The following GREP1 variants were observed in gnomAD, a reference collection of about 807,000 sequenced individuals.
GREP1 encodes glycine rich extracellular protein 1, also known as glycine-rich extracellular protein 1.
chr16:2,999,800 A>G (rs144757414), intron 27 of GREP1, 102 bp from the exon 25 acceptor site: 7,487 of 398,572 alleles, frequency 0.019, 104 homozygotes, highest in Non-Finnish European at 0.021. Flanking sequence ...GTGGACAGGA[A>G]AAGTCTCTGC....
chr16:2,996,468 C>G (rs1373285710), intron 18 of GREP1, 28 bp from the exon 18 acceptor site: 1 of 398,984 alleles, frequency 2.5e-6, no homozygotes, highest in East Asian at 3.6e-5. Context: ...ATGCCGCCGT[C>G]TCACACCCTC....
At chr16:2,998,942 C>T (rs2072443223) in exon 26 of GREP1, 1 of 399,128 alleles carries the variant, frequency 2.5e-6, no homozygotes. Flanking sequence ...GCCTGAAATC[C>T]CAGCCCCCTT....
intron 22 of GREP1, chr16:2,997,554 G>A (rs563219655): frequency 1.1e-4 from 43 of 398,036 alleles, no homozygotes; most frequent in African/African-American, 5.5e-4. Context: ...GAGAGGAGGC[G>A]GCACAAGGGG....
exon 35 of GREP1, chr16:3,001,802 A>G: frequency 2.6e-6 from 1 of 391,170 alleles, no homozygotes. Context: ...GCAAACATCA[A>G]TGAGGCCATG....
At chr16:2,997,600 GAGGAA>G (rs2072432541) in intron 22 of GREP1, among the ~76,000 whole-genome samples, 198 bp from the exon 21 acceptor site, 2 of 152,040 alleles carry the variant, frequency 1.3e-5, no homozygotes, top group African/African-American at 4.8e-5. Flanking sequence ...CCTAAATTGG[GAGGAA>G]AGGGGGGCCA....
chr16:2,997,166 C>T (rs547350455), intron 21 of GREP1, 81 bp downstream of exon 20: 47 of 398,996 alleles, frequency 1.2e-4, no homozygotes, highest in East Asian at 7.8e-4. Context: ...TCAGCTCCAT[C>T]GGCATTCAGG....
In GREP1 at chr16:2,999,767, G is replaced by A. The variant is rs28460090; in HGVS notation, c.1190-135G>A. Reference sequence around the variant, plus strand: ...GCGCCCAGTCTCTTGCTGCTCTCCAGATTTCTTCTGGTTCCATTCCCTGTG... The same window carrying A: ...GCGCCCAGTCTCTTGCTGCTCTCCAAATTTCTTCTGGTTCCATTCCCTGTG... On this transcript the variant is annotated intron_variant, in intron 27 of 34. Coordinates refer to ENST00000573315, the Ensembl canonical transcript of GREP1. 3,309 of 397,688 alleles carry A rather than the reference G, an allele frequency of 8.3e-3. 91 individuals carry two copies. The highest frequency in any genetic ancestry group is 0.059 in the African/African-American group (2,858 of 48,700). The allele number at this position is 397,688 out of a possible 1,614,324, so 24.6% of individuals were successfully genotyped here.
intron 29 of GREP1, 38 bp downstream of exon 26, chr16:3,000,156 A>G (rs2072452231): frequency 7.5e-6 from 3 of 399,164 alleles, no homozygotes; most frequent in South Asian, 2.5e-4. Context: ...GTTGAGCGGA[A>G]GCTGGCATCT....
At position 2,990,460 on chromosome 16, in the gene GREP1, G is replaced by C. The variant is rs1042911709; in HGVS notation, c.205G>C (p.Glu69Gln). ...GATCCCCCTCTCTTTCCCAGACACTGAAGGGGGCATGAAACCCCAAAACCT... is the reference window on the plus strand; with the variant it reads ...GATCCCCCTCTCTTTCCCAGACACTCAAGGGGGCATGAAACCCCAAAACCT... The change falls in exon 6 of 35, where the codon GAA (glutamate) becomes CAA (glutamine). Residue 69 changes from glutamate to glutamine, a missense_variant. Coordinates refer to ENST00000573315, the Ensembl canonical transcript of GREP1. The C allele has an allele frequency of 1.3e-5, 5 of 399,030 alleles. No homozygotes were observed. The South Asian group carries it at 3.8e-4, about 30-fold the overall frequency. 24.7% of individuals were successfully genotyped at this position (399,030 alleles called of 1,614,324 possible). A position where few individuals can be genotyped will look rare whatever the true frequency, so the allele number is the denominator to read the frequency against.
rs1388712974 is a variant in GREP1 at position 2,992,558 on chromosome 16, C to A, written c.323-247C>A. The A allele has an allele frequency of 5.6e-6, 2 of 356,212 alleles. No individual in the cohort carries two copies. The highest frequency in any genetic ancestry group is 1.0e-5 in the Non-Finnish European group (2 of 199,184). 22.1% of individuals were successfully genotyped at this position (356,212 alleles called of 1,614,324 possible). ...ATTCACCCAATCTCCCCTGAGCACCCGTCCCAAGCCAGGCCTCGGCTGGCC... is the reference window on the plus strand; with the variant it reads ...ATTCACCCAATCTCCCCTGAGCACCAGTCCCAAGCCAGGCCTCGGCTGGCC... On this transcript the variant is annotated intron_variant, in intron 8 of 34. Transcript: ENST00000573315. This position sits in a 1 kb window ranked among gnomAD's most constrained non-coding sequence, Gnocchi z 4.9.
At position 2,992,437 on chromosome 16, in the gene GREP1, A is replaced by G. The variant is rs2072403862; in HGVS notation, c.323-368A>G. 1.2e-5 allele frequency: 2 copies of G among 172,038 alleles called. No homozygotes were observed. The highest frequency in any genetic ancestry group is 4.7e-5 in the African/African-American group (2 of 42,222). The allele number at this position is 172,038 out of a possible 1,614,324, so 10.7% of individuals were successfully genotyped here. ...ATGGAAACGGACCGGGAACCCAGCC[A>G]GGTCGGGGCCGAAGGGGCTGGGGTG... On this transcript the variant is annotated intron_variant, in intron 8 of 34. Coordinates refer to ENST00000573315, the Ensembl canonical transcript of GREP1. The surrounding 1 kb of genome is among the most constrained non-coding windows in gnomAD (Gnocchi z 4.9).
At chr16:2,990,781 G>A (rs2072394636) in intron 7 of GREP1, among the ~76,000 whole-genome samples, 194 bp downstream of exon 6, 1 of 152,184 alleles carries the variant, frequency 6.6e-6, no homozygotes, top group South Asian at 2.1e-4. Flanking sequence ...GAGTTCTGAT[G>A]TCTGGCTTGG....
At chr16:2,999,584 T>C (rs1330211556) in intron 27 of GREP1, among the ~76,000 whole-genome samples, 2 of 151,240 alleles carry the variant, frequency 1.3e-5, no homozygotes, top group African/African-American at 2.4e-5. Flanking sequence ...TCCCAAGTAG[T>C]TGGCATTACA....
Position 3,001,295 on chromosome 16 carries a change from AAG to A in GREP1, c.1551_1552del (p.Gly518GlnfsTer50). Reference sequence around the variant, plus strand: ...CTGTGCCACAGGGGGCCCCGACGTGAAGAGAGGCAGCAATGGCCAGCTGGGGA... The same window carrying A: ...CTGTGCCACAGGGGGCCCCGACGTGAAGAGGCAGCAATGGCCAGCTGGGGA... On this transcript the variant is annotated frameshift_variant, in exon 34 of 35. Transcript: ENST00000573315. LOFTEE classifies it low-confidence loss of function (END_TRUNC). 1 of 399,096 alleles carries A rather than the reference AAG, an allele frequency of 2.5e-6. No homozygotes were observed. The allele number at this position is 399,096 out of a possible 1,614,324, so 24.7% of individuals were successfully genotyped here.
chr16:2,999,932 G>T (rs1322238796), exon 28 of GREP1: 4 of 398,952 alleles, frequency 1.0e-5, no homozygotes, highest in Non-Finnish European at 1.8e-5. Flanking sequence ...TATGGACCGG[G>T]AGCAGAACCA....
intron 18 of GREP1, among the ~76,000 whole-genome samples, chr16:2,996,070 T>C (rs923922021): frequency 1.4e-4 from 22 of 152,030 alleles, no homozygotes; most frequent in African/African-American, 4.8e-4. Context: ...GTAGCTGGGA[T>C]TACAGACACC....
Position 2,989,193 on chromosome 16 carries a change from C to A in GREP1, c.101-330C>A. ...GAAGAGGGTGGAGTGGGCTCTGCCCCACAGTCCCCCAGAGCCCTGGCTCAG... is the reference window on the plus strand; with the variant it reads ...GAAGAGGGTGGAGTGGGCTCTGCCCAACAGTCCCCCAGAGCCCTGGCTCAG... On this transcript the variant is annotated intron_variant, in intron 2 of 34. Coordinates refer to ENST00000573315, the Ensembl canonical transcript of GREP1. The surrounding 1 kb of genome is among the most constrained non-coding windows in gnomAD (Gnocchi z 4.2). 1 of 339,994 alleles carries A rather than the reference C, an allele frequency of 2.9e-6. No individual in the cohort carries two copies. The highest frequency in any genetic ancestry group is 5.3e-6 in the Non-Finnish European group (1 of 188,840). The allele number at this position is 339,994 out of a possible 1,614,324, so 21.1% of individuals were successfully genotyped here.
At chr16:3,000,181 T>G in intron 29 of GREP1, 63 bp downstream of exon 26, 1 of 399,174 alleles carries the variant, frequency 2.5e-6, no homozygotes, top group Non-Finnish European at 4.4e-6. Flanking sequence ...CATGCCTGAG[T>G]CAGTCTGTCT....
In GREP1 at chr16:3,001,261, T is replaced by A; in HGVS notation, c.1532-20T>A. The stretch of plus-strand genomic sequence containing the variant: ...TCTCTGGTGACCCGAGTGCTCCTGG[T>A]CTGTCTGTCTGTGCCACAGGGGGCC... On this transcript the variant is annotated intron_variant, in intron 33 of 34. Coordinates refer to ENST00000573315, the Ensembl canonical transcript of GREP1. 1 of 399,030 alleles carries A rather than the reference T, an allele frequency of 2.5e-6. No homozygotes were observed. The highest frequency in any genetic ancestry group is 4.4e-6 in the Non-Finnish European group (1 of 226,052). 24.7% of individuals were successfully genotyped at this position (399,030 alleles called of 1,614,324 possible).
Sources: gnomAD v4.1 joint callset for allele counts (sites outside exome capture counted in the v4.1 genomes callset) on GRCh38, gnomAD v4.1.1 for gene constraint, Gnocchi (gnomAD v3.1) non-coding constraint, MANE v1.5 for transcripts, NCBI Gene and HGNC (gene_info 2026-07-23, HGNC 2026-07-21) for gene names.